Variants in LRRFIP1 observed in about 807,000 individuals in gnomAD.
The protein encoded by LRRFIP1 is LRR binding FLII interacting protein 1.
Under a neutral mutation model 104.4 loss-of-function variants are expected in LRRFIP1, and 62 were observed. The observed-to-expected ratio is 0.59, with a 90% CI of 0.48 to 0.73. The LOEUF is 0.73. LRRFIP1 is among the 30% of genes least tolerant of loss of function. The pLI is 0.00. For synonymous variants in LRRFIP1, 300 were observed against 299.0 expected, an observed-to-expected ratio of 1.00 and a Z score of -0.03; for missense variants, 796 against 824.5, an observed-to-expected ratio of 0.97 and a Z score of 0.42.
intron 7 of LRRFIP1, among the ~76,000 whole-genome samples, chr2:237,724,327 T>G (rs1333750443): frequency 6.6e-6 from 1 of 152,246 alleles, no homozygotes; most frequent in Non-Finnish European, 1.5e-5. Context: ...AGTTTGTGCT[T>G]CATTTGCTCC....
intron 16 of LRRFIP1, 101 bp downstream of exon 16, chr2:237,756,288 C>T: frequency 1.3e-6 from 1 of 756,652 alleles, no homozygotes; most frequent in Middle Eastern, 2.6e-4. Context: ...AAATACCATA[C>T]ACAGCATGGC....
rs1193786705 is a variant in LRRFIP1, at chr2:237,649,648, G to A, written c.96+21908G>A. Reference sequence around the variant, plus strand: ...AAGAAGGTGACTTTTCCCGGTTGCTGTCCATGCAGACTGTGAGGGATGTTC... The same window carrying A: ...AAGAAGGTGACTTTTCCCGGTTGCTATCCATGCAGACTGTGAGGGATGTTC... On this transcript the variant is annotated intron_variant, in intron 1 of 23. Transcript: ENST00000308482. This position sits in a 1 kb window ranked among gnomAD's most constrained non-coding sequence, Gnocchi z 4.1. 2.6e-5 allele frequency among the ~76,000 whole-genome samples: 4 copies of A among 151,978 alleles called. No individual in the cohort carries two copies. Among genetic ancestry groups the A allele is most frequent in the Non-Finnish European group, 4.4e-5 (3 of 67,948 alleles).
chr2:237,653,035 C>T (rs2086195313), intron 1 of LRRFIP1, among the ~76,000 whole-genome samples: 1 of 152,194 alleles, frequency 6.6e-6, no homozygotes, highest in Admixed American at 6.5e-5. Flanking sequence ...CTCTCTCTCT[C>T]CTGCCGCCAT....
chr2:237,715,513 T>C (rs9287625), intron 3 of LRRFIP1, among the ~76,000 whole-genome samples: 2,228 of 152,270 alleles, frequency 0.015, 64 homozygotes, highest in African/African-American at 0.05. Context: ...CAGGGATACA[T>C]TGTGAGAACT....
chr2:237,722,232 TAGG>T (rs2150196267), intron 6 of LRRFIP1: 1 of 152,122 alleles, frequency 6.6e-6, no homozygotes, highest in African/African-American at 2.4e-5. Context: ...CAAGAGAGAA[TAGG>T]AGGAGAGAGG....
intron 20 of LRRFIP1, chr2:237,771,865 A>G: frequency 1.9e-6 from 1 of 537,662 alleles, no homozygotes; most frequent in South Asian, 2.2e-5. Context: ...GTCCTAGAAG[A>G]ATTTCACTTT....
intron 11 of LRRFIP1, among the ~76,000 whole-genome samples, chr2:237,739,927 T>A (rs2095363100): frequency 1.3e-5 from 2 of 151,746 alleles, no homozygotes; most frequent in Admixed American, 1.3e-4. Context: ...AAAGGAAGAG[T>A]TTGCAGGACG....
chr2:237,691,191 C>A lies in LRRFIP1; in HGVS notation c.97-17353C>A, dbSNP rs2149746689. On this transcript the variant is annotated intron_variant, in intron 1 of 23. Coordinates refer to ENST00000308482, the MANE Select transcript of LRRFIP1 (RefSeq NM_001137550.2). This position sits in a 1 kb window ranked among gnomAD's most constrained non-coding sequence, Gnocchi z 5.4. The stretch of plus-strand genomic sequence containing the variant: ...GTGCTTTAAATTTTACATTTCCTGG[C>A]GTGGCCAGGACAGGCTGACCTTCCG... Among the ~76,000 whole-genome samples the A allele has an allele frequency of 6.6e-6, 1 of 152,312 alleles. No homozygotes were observed. Among genetic ancestry groups the A allele is most frequent in the Middle Eastern group, 3.4e-3 (1 of 294 alleles).
At position 237,708,882 on chromosome 2, in the gene LRRFIP1, G is replaced by A. The variant is rs1254716852; in HGVS notation, c.183+252G>A. On this transcript the variant is annotated intron_variant, in intron 2 of 23. Coordinates refer to ENST00000308482, the MANE Select transcript of LRRFIP1 (RefSeq NM_001137550.2). ...AAGCCTCTTGCCTGCGCAGATCGTC[G>A]TTTCTAGCTGCGAGGAGCCAAAATG... 9.8e-6 allele frequency: 6 copies of A among 611,652 alleles called. No homozygotes were observed. In the East Asian group the frequency reaches 9.9e-5, roughly 10 times the overall value. The allele number at this position is 611,652 out of a possible 1,614,324, so 37.9% of individuals were successfully genotyped here. A position where few individuals can be genotyped will look rare whatever the true frequency, so the allele number is the denominator to read the frequency against.
chr2:237,657,392 A>G (rs2086994394), intron 1 of LRRFIP1, among the ~76,000 whole-genome samples: 1 of 152,240 alleles, frequency 6.6e-6, no homozygotes, highest in South Asian at 2.1e-4. Flanking sequence ...AATCTCCACC[A>G]TGCCCCAGAA....
At chr2:237,707,871 A>G (rs2093891031) in intron 1 of LRRFIP1, among the ~76,000 whole-genome samples, 1 of 152,166 alleles carries the variant, frequency 6.6e-6, no homozygotes, top group African/African-American at 2.4e-5. Flanking sequence ...AACAGCTAGA[A>G]CCGTTCTGCT....
At chr2:237,775,535 C>T (rs1361957917) in intron 23 of LRRFIP1, among the ~76,000 whole-genome samples, 1 of 152,150 alleles carries the variant, frequency 6.6e-6, no homozygotes, top group Non-Finnish European at 1.5e-5. Flanking sequence ...ATTTATGTTT[C>T]AATAGGATCA....
chr2:237,708,876 A>G, intron 2 of LRRFIP1: 1 of 627,582 alleles, frequency 1.6e-6, no homozygotes, highest in East Asian at 3.2e-5. Context: ...GCCTGCGCAG[A>G]TCGTCGTTTC....
Position 237,735,665 on chromosome 2 carries a change from A to G in LRRFIP1, c.555+332A>G. On this transcript the variant is annotated intron_variant, in intron 10 of 23. Coordinates refer to ENST00000308482, the MANE Select transcript of LRRFIP1 (RefSeq NM_001137550.2). This position sits in a 1 kb window ranked among gnomAD's most constrained non-coding sequence, Gnocchi z 4.6. ...GGAAAAGGACAACTTGACAGACCAC[A>G]CATCATTCTCGTCCCTGGATAGTTG... The G allele has an allele frequency of 3.7e-6, 1 of 269,052 alleles. No individual in the cohort carries two copies. Among genetic ancestry groups the G allele is most frequent in the Non-Finnish European group, 7.1e-6 (1 of 141,176 alleles). The allele number at this position is 269,052 out of a possible 1,614,324, so 16.7% of individuals were successfully genotyped here. A position where few individuals can be genotyped will look rare whatever the true frequency, so the allele number is the denominator to read the frequency against.
At chr2:237,722,868 T>C (rs77254363) in intron 6 of LRRFIP1, among the ~76,000 whole-genome samples, 1,712 of 152,306 alleles carry the variant, frequency 0.011, 25 homozygotes, top group African/African-American at 0.038. Context: ...CTGGGCTCTA[T>C]GCTTGCCCCT....
chr2:237,633,660 C>T (rs1023729998), intron 1 of LRRFIP1, among the ~76,000 whole-genome samples: 5 of 152,216 alleles, frequency 3.3e-5, no homozygotes, highest in Non-Finnish European at 1.5e-5. Flanking sequence ...ACTCTGGAAG[C>T]TTTACTCCCA....
intron 1 of LRRFIP1, among the ~76,000 whole-genome samples, chr2:237,674,719 C>T (rs559230208): frequency 5.3e-5 from 8 of 152,302 alleles, no homozygotes; most frequent in South Asian, 2.1e-4. Flanking sequence ...ATTATGAATG[C>T]GGGCAAAAAC....
chr2:237,773,072 T>C (rs540442454), intron 22 of LRRFIP1, 127 bp downstream of exon 22: 1 of 695,030 alleles, frequency 1.4e-6, no homozygotes, highest in African/African-American at 1.8e-5. Flanking sequence ...CTAAGAGGGA[T>C]AAGTTAAGAC....
At chr2:237,681,310 T>G (rs2091788163) in intron 1 of LRRFIP1, among the ~76,000 whole-genome samples, 1 of 152,210 alleles carries the variant, frequency 6.6e-6, no homozygotes, top group Non-Finnish European at 1.5e-5. Flanking sequence ...AGCAGCCCTG[T>G]GTTTATTCTG....
Sources: allele counts gnomAD v4.1 joint callset (sites outside exome capture counted in the v4.1 genomes callset), GRCh38; gene constraint gnomAD v4.1.1; non-coding constraint Gnocchi (gnomAD v3.1); transcripts MANE v1.5; gene names NCBI Gene and HGNC (gene_info 2026-07-23, HGNC 2026-07-21).